ROR1: variants seen among roughly 807,000 people sequenced by gnomAD.
ROR1 encodes the protein ROR family WNT receptor 1.
In ROR1, 19 loss-of-function variants were observed where a neutral mutation model predicts 78.8. That is an observed-to-expected ratio of 0.24 (90% confidence interval 0.17 to 0.35). The LOEUF (loss-of-function observed/expected upper bound fraction) is 0.35. Among genes scored for constraint, ROR1 ranks in the 10% least tolerant of loss-of-function variants. The pLI, the probability that ROR1 is intolerant of heterozygous loss-of-function variation, is 1.00. For synonymous variants in ROR1, 386 were observed against 433.6 expected (o/e 0.89, Z 1.36); for missense variants, 917 against 1,177.8 (o/e 0.78, Z 3.24).
intron 4 of ROR1, among the ~76,000 whole-genome samples, chr1:64,131,887 C>T (rs1038021685): frequency 2.6e-5 from 4 of 152,102 alleles, no homozygotes; most frequent in Admixed American, 1.3e-4. Context: ...TCCTAAAGTG[C>T]GGGGATTATA....
intron 1 of ROR1, among the ~76,000 whole-genome samples, chr1:63,791,166 T>G (rs1644723828): frequency 6.6e-6 from 1 of 152,004 alleles, no homozygotes; most frequent in Admixed American, 6.5e-5. Context: ...TGGGCAGGTG[T>G]TGGGGCTACA....
At chr1:64,132,842 A>G (rs1282918656) in intron 4 of ROR1, among the ~76,000 whole-genome samples, 2 of 151,560 alleles carry the variant, frequency 1.3e-5, no homozygotes, top group African/African-American at 4.9e-5. Context: ...TTTAGGACCA[A>G]ATTTGTCAGT....
chr1:63,843,279 T>C, intron 1 of ROR1: 1 of 1,453,776 alleles, frequency 6.9e-7, no homozygotes, highest in Non-Finnish European at 9.6e-7. Context: ...CTTGTAGCAG[T>C]TTGTGTGTAA....
intron 1 of ROR1, among the ~76,000 whole-genome samples, chr1:63,849,500 C>A (rs956241839): frequency 3.0e-4 from 45 of 152,134 alleles, no homozygotes; most frequent in African/African-American, 1.1e-3. Flanking sequence ...GAGTTTGAGA[C>A]CAGCCTTGGC....
intron 1 of ROR1, among the ~76,000 whole-genome samples, chr1:63,895,495 G>A (rs1645432293): frequency 6.6e-6 from 1 of 152,188 alleles, no homozygotes; most frequent in Non-Finnish European, 1.5e-5. Context: ...TGAAGTGGAG[G>A]TAGTGTGAAG....
intron 1 of ROR1, among the ~76,000 whole-genome samples, chr1:63,830,884 A>G (rs1255334416): frequency 6.6e-6 from 1 of 152,234 alleles, no homozygotes; most frequent in Non-Finnish European, 1.5e-5. Context: ...ATGGGGATAC[A>G]GGAATTTGGT....
At chr1:63,916,108 T>C (rs1329656242) in intron 1 of ROR1, among the ~76,000 whole-genome samples, 1 of 152,202 alleles carries the variant, frequency 6.6e-6, no homozygotes, top group African/African-American at 2.4e-5. Context: ...AAAACAAACA[T>C]TTCTACCCTA....
At chr1:63,928,615 G>T (rs1645726861) in intron 1 of ROR1, among the ~76,000 whole-genome samples, 1 of 152,148 alleles carries the variant, frequency 6.6e-6, no homozygotes, top group Admixed American at 6.5e-5. Flanking sequence ...TGAAAAACCT[G>T]CTCTCAGTCT....
intron 1 of ROR1, among the ~76,000 whole-genome samples, chr1:63,906,344 G>C (rs922102603): frequency 6.6e-6 from 1 of 152,114 alleles, no homozygotes; most frequent in Non-Finnish European, 1.5e-5. Context: ...TAAACATCTG[G>C]TTTCACCTCA....
At chr1:63,834,562 G>A (rs868810607) in intron 1 of ROR1, among the ~76,000 whole-genome samples, 51 of 152,250 alleles carry the variant, frequency 3.3e-4, no homozygotes, top group African/African-American at 1.0e-3. Context: ...GACAATTAAT[G>A]TTATCTCTTT....
In ROR1 at chr1:63,973,792, C is replaced by T. The variant is rs143358990; in HGVS notation, c.92-35513C>T. Among the ~76,000 whole-genome samples, 11 of 152,270 alleles carry T rather than the reference C, an allele frequency of 7.2e-5. No homozygotes were observed. The East Asian group carries it at 1.9e-3, about 27-fold the overall frequency. On this transcript the variant is annotated intron_variant, in intron 1 of 8. Transcript: ENST00000371079. ...TTCTGATATATGTGAAGATTAGAAA[C>T]CTGTAACTAATGATAATAATGAACA...
At position 63,774,999 on chromosome 1, in the gene ROR1, A is replaced by G. The variant is rs1179423783; in HGVS notation, c.91+491A>G. 2.0e-5 allele frequency among the ~76,000 whole-genome samples: 3 copies of G among 151,966 alleles called. No individual in the cohort carries two copies. Among genetic ancestry groups the G allele is most frequent in the Non-Finnish European group, 2.9e-5 (2 of 67,966 alleles). On this transcript the variant is annotated intron_variant, in intron 1 of 8. Transcript: ENST00000371079. This position sits in a 1 kb window ranked among gnomAD's most constrained non-coding sequence, Gnocchi z 5.7. ...GGCGGCTCGCGGATCGACGCAAACA[A>G]AAGCCCTGTCCTCCTGGGGCTCCGG...
chr1:64,058,715 T>C (rs1356977253), intron 4 of ROR1, among the ~76,000 whole-genome samples: 1 of 152,094 alleles, frequency 6.6e-6, no homozygotes, highest in Admixed American at 6.5e-5. Flanking sequence ...TTTCTTCTTA[T>C]CTTTTGCTGG....
At chr1:63,837,740 G>A (rs1446100163) in intron 1 of ROR1, among the ~76,000 whole-genome samples, 1 of 152,164 alleles carries the variant, frequency 6.6e-6, no homozygotes, top group African/African-American at 2.4e-5. Flanking sequence ...AGGATCAGTT[G>A]AGCCCAGGAG....
chr1:63,981,296 C>T (rs1646208012), intron 1 of ROR1, among the ~76,000 whole-genome samples: 1 of 152,082 alleles, frequency 6.6e-6, no homozygotes, highest in Admixed American at 6.5e-5. Flanking sequence ...GTCTAACAGC[C>T]TCCTCAGCTC....
intron 1 of ROR1, among the ~76,000 whole-genome samples, chr1:63,982,689 T>C (rs1646219617): frequency 6.6e-6 from 1 of 152,186 alleles, no homozygotes; most frequent in African/African-American, 2.4e-5. Context: ...GATATATGCT[T>C]TCAATACATT....
intron 1 of ROR1, among the ~76,000 whole-genome samples, chr1:63,978,255 T>G (rs1570005516): frequency 1.3e-5 from 2 of 152,232 alleles, no homozygotes; most frequent in East Asian, 3.8e-4. Flanking sequence ...CAGTTTGATG[T>G]TTATTAAATG....
At chr1:64,006,996 T>C (rs6692723) in intron 1 of ROR1, among the ~76,000 whole-genome samples, 1 of 151,914 alleles carries the variant, frequency 6.6e-6, no homozygotes, top group Non-Finnish European at 1.5e-5. Context: ...AAAATGTGCT[T>C]ATCTCTGTGA....
chr1:63,862,486 C>T (rs368216483), intron 1 of ROR1, among the ~76,000 whole-genome samples: 14 of 152,030 alleles, frequency 9.2e-5, no homozygotes, highest in African/African-American at 2.9e-4. Flanking sequence ...GTCTGATCTC[C>T]GCCAAATATC....
Sources: allele counts gnomAD v4.1 joint callset (sites outside exome capture counted in the v4.1 genomes callset), GRCh38; gene constraint gnomAD v4.1.1; non-coding constraint Gnocchi (gnomAD v3.1); transcripts MANE v1.5; gene names NCBI Gene and HGNC (gene_info 2026-07-23, HGNC 2026-07-21).